The following TMEM229B variants were observed in gnomAD, a reference collection of about 807,000 sequenced individuals.
TMEM229B encodes transmembrane protein 229B.
A neutral mutation model predicts 13.7 loss-of-function variants in TMEM229B; 6 were observed. The observed-to-expected ratio is 0.44, with a 90% CI of 0.24 to 0.86. The LOEUF (loss-of-function observed/expected upper bound fraction) is 0.86. Ranked by LOEUF, TMEM229B falls within the 40% of genes least tolerant of loss-of-function variation. The pLI, the probability that TMEM229B is intolerant of heterozygous loss-of-function variation, is 0.23. For missense variants in TMEM229B, 170 were observed against 236.0 expected (o/e 0.72, Z 1.83); for synonymous variants, 107 against 102.1 (o/e 1.05, Z -0.29).
chr14:67,471,562 A>G lies in TMEM229B; in HGVS notation c.*1858T>C, dbSNP rs1175400190. 5 of 152,186 alleles carry G rather than the reference A, an allele frequency of 3.3e-5. No individual in the cohort carries two copies. Among genetic ancestry groups the G allele is most frequent in the African/African-American group, 1.2e-4 (5 of 41,432 alleles). 9.4% of individuals were successfully genotyped at this position (152,186 alleles called of 1,614,324 possible). On this transcript the variant is annotated 3_prime_UTR_variant, in exon 3 of 3. Coordinates refer to ENST00000554480, the MANE Select transcript of TMEM229B (RefSeq NM_001348543.2). ...CCAAAGCCCTGGAATTGGGGCCACA[A>G]TAAAATCAAAAGGAGGGCTGGCCAC...
intron 1 of TMEM229B, among the ~76,000 whole-genome samples, chr14:67,504,466 T>C (rs566302053): frequency 2.6e-5 from 4 of 152,240 alleles, no homozygotes; most frequent in Non-Finnish European, 5.9e-5. Flanking sequence ...TAAGTCAGTT[T>C]TTTTTTCAGT....
At chr14:67,487,372 A>G (rs920446985) in intron 1 of TMEM229B, among the ~76,000 whole-genome samples, 200 bp from the exon 2 acceptor site, 1 of 152,156 alleles carries the variant, frequency 6.6e-6, no homozygotes, top group Admixed American at 6.5e-5. Context: ...AAAGTCTGGG[A>G]TGGTCCTGGA....
intron 1 of TMEM229B, among the ~76,000 whole-genome samples, chr14:67,506,906 C>G (rs1290178507): frequency 3.3e-5 from 5 of 152,270 alleles, no homozygotes; most frequent in Admixed American, 3.3e-4. Flanking sequence ...ATGGCTTGAA[C>G]ACAGGAGGCA....
intron 1 of TMEM229B, among the ~76,000 whole-genome samples, chr14:67,521,551 C>G (rs567405444): frequency 6.6e-6 from 1 of 152,262 alleles, no homozygotes; most frequent in African/African-American, 2.4e-5. Context: ...GTCCTGTCCT[C>G]TCTTGTTTTT....
intron 2 of TMEM229B, among the ~76,000 whole-genome samples, chr14:67,484,886 A>G (rs2140113304): frequency 6.6e-6 from 1 of 152,282 alleles, no homozygotes; most frequent in South Asian, 2.1e-4. Flanking sequence ...GCAACCTGCC[A>G]TTTTTACTTG....
chr14:67,523,106 C>T (rs1465315882), intron 1 of TMEM229B, among the ~76,000 whole-genome samples: 1 of 152,072 alleles, frequency 6.6e-6, no homozygotes, highest in Non-Finnish European at 1.5e-5. Context: ...AGGTGGATCA[C>T]GAGGTCAGGA....
chr14:67,485,279 T>C (rs1162777281), intron 2 of TMEM229B, among the ~76,000 whole-genome samples: 1 of 152,122 alleles, frequency 6.6e-6, no homozygotes, highest in African/African-American at 2.4e-5. Flanking sequence ...CCAACTCCCC[T>C]CCTACAGTCT....
chr14:67,479,530 C>T (rs1287682887), intron 2 of TMEM229B, among the ~76,000 whole-genome samples: 2 of 151,558 alleles, frequency 1.3e-5, no homozygotes, highest in African/African-American at 2.4e-5. Context: ...CCAGCCTGGC[C>T]AACATGGTGA....
chr14:67,490,389 T>C (rs1038290351), upstream of TMEM229B, among the ~76,000 whole-genome samples: 3 of 152,140 alleles, frequency 2.0e-5, no homozygotes, highest in Non-Finnish European at 4.4e-5. Context: ...CAAGGAAGAC[T>C]GGGGCAGGAA....
intron 1 of TMEM229B, among the ~76,000 whole-genome samples, chr14:67,525,028 CT>C (rs1267921378): frequency 6.6e-6 from 1 of 152,150 alleles, no homozygotes; most frequent in African/African-American, 2.4e-5. Context: ...TGAATCTCGG[CT>C]TTCTACTTAC....
chr14:67,498,542 C>T (rs995604799), intron 1 of TMEM229B, among the ~76,000 whole-genome samples: 1 of 152,174 alleles, frequency 6.6e-6, no homozygotes, highest in African/African-American at 2.4e-5. Context: ...GACAGGGCTA[C>T]CATTTCAGAT....
intron 1 of TMEM229B, among the ~76,000 whole-genome samples, chr14:67,513,729 G>A (rs2033103924): frequency 2.6e-5 from 4 of 152,094 alleles, no homozygotes; most frequent in Admixed American, 2.6e-4. Context: ...ACCAGTCTAG[G>A]GCCCTCCAGT....
chr14:67,513,677 G>T (rs2033101603), intron 1 of TMEM229B, among the ~76,000 whole-genome samples: 1 of 152,178 alleles, frequency 6.6e-6, no homozygotes, highest in South Asian at 2.1e-4. Flanking sequence ...TTGTATCCTT[G>T]TATCATTAGG....
At chr14:67,507,227 C>T (rs545291799) in intron 1 of TMEM229B, among the ~76,000 whole-genome samples, 40 of 152,086 alleles carry the variant, frequency 2.6e-4, no homozygotes, top group African/African-American at 9.6e-4. Flanking sequence ...GGTGCAACTA[C>T]AGTCCTAGCT....
chr14:67,483,559 G>A (rs1010402048), intron 2 of TMEM229B, among the ~76,000 whole-genome samples: 3 of 152,254 alleles, frequency 2.0e-5, no homozygotes, highest in South Asian at 2.1e-4. Context: ...CCAACTGGGT[G>A]TCAGAGTTCC....
intron 2 of TMEM229B, among the ~76,000 whole-genome samples, chr14:67,486,696 C>T (rs765069177): frequency 1.3e-5 from 2 of 152,164 alleles, no homozygotes; most frequent in South Asian, 2.1e-4. Flanking sequence ...TCCCCAGACA[C>T]GTGGAATTAA....
intron 2 of TMEM229B, among the ~76,000 whole-genome samples, chr14:67,485,617 G>A (rs2031828818): frequency 6.6e-6 from 1 of 152,222 alleles, no homozygotes; most frequent in Non-Finnish European, 1.5e-5. Context: ...CCTTCCTGCA[G>A]GCCTCTGATC....
chr14:67,516,677 C>T (rs1276467808), upstream of TMEM229B, among the ~76,000 whole-genome samples: 2 of 152,194 alleles, frequency 1.3e-5, no homozygotes, highest in Non-Finnish European at 2.9e-5. Context: ...CTGTCCCTGG[C>T]CAGAATATTC....
At chr14:67,523,266 G>A (rs2033316921) in intron 1 of TMEM229B, among the ~76,000 whole-genome samples, 1 of 151,162 alleles carries the variant, frequency 6.6e-6, no homozygotes. Flanking sequence ...TGAGGTTGCA[G>A]TGAGCCAAGA....
Sources: gnomAD v4.1 joint callset for allele counts (sites outside exome capture counted in the v4.1 genomes callset) on GRCh38, gnomAD v4.1.1 for gene constraint, MANE v1.5 for transcripts, NCBI Gene and HGNC (gene_info 2026-07-23, HGNC 2026-07-21) for gene names.